RANBP2: variants seen among roughly 807,000 people sequenced by gnomAD.
The protein encoded by RANBP2 is RAN binding protein 2.
RANBP2 carries 57 observed loss-of-function variants against 303.6 expected under a neutral mutation model. The observed-to-expected ratio is 0.19, with a 90% CI of 0.15 to 0.23. RANBP2 has a LOEUF of 0.23. Ranked by LOEUF, RANBP2 falls within the 10% of genes least tolerant of loss-of-function variation. The pLI is 1.00. For synonymous variants in RANBP2, 1,167 were observed against 1,301.5 expected (o/e 0.90, Z 2.23); for missense variants, 3,138 against 3,780.8 (o/e 0.83, Z 4.46).
At chr2:109,495,824 A>G in the RANBP2 span, among the ~76,000 whole-genome samples, 1 of 152,172 alleles carries the variant, frequency 6.6e-6, no homozygotes, top group African/African-American at 2.4e-5. Context: ...TAGTTTCCAC[A>G]TACATAAAAT....
the RANBP2 span, chr2:109,614,394 G>T: frequency 1.0e-6 from 1 of 981,552 alleles, no homozygotes; most frequent in Non-Finnish European, 1.3e-6. Context: ...CGCTGAGCCC[G>T]CCAGACTCCG....
chr2:109,596,176 C>A, the RANBP2 span, among the ~76,000 whole-genome samples: 1 of 152,134 alleles, frequency 6.6e-6, no homozygotes, highest in African/African-American at 2.4e-5. Context: ...GGCCTACAGG[C>A]ATGCACCACC....
chr2:108,760,814 C>A (rs1027205275), intron 18 of RANBP2, among the ~76,000 whole-genome samples: 5 of 151,880 alleles, frequency 3.3e-5, no homozygotes, highest in African/African-American at 4.8e-5. Context: ...TTTTAAAGCC[C>A]GCGAACACAT....
At chr2:108,822,367 C>T in the RANBP2 span, among the ~76,000 whole-genome samples, 1 of 152,026 alleles carries the variant, frequency 6.6e-6, no homozygotes, top group Admixed American at 6.6e-5. Flanking sequence ...AACTTCAATA[C>T]CCCACTTTCA....
chr2:109,296,053 C>G, the RANBP2 span, among the ~76,000 whole-genome samples: 1 of 152,002 alleles, frequency 6.6e-6, no homozygotes, highest in Non-Finnish European at 1.5e-5. Context: ...AAGTTTCCTC[C>G]CCAGGATCCC....
the RANBP2 span, among the ~76,000 whole-genome samples, chr2:109,249,572 CTTCCTTCCTTCCT>C: frequency 1.6e-5 from 2 of 128,512 alleles, no homozygotes; most frequent in Non-Finnish European, 3.2e-5. Flanking sequence ...TCCTTCCTTC[CTTCCTTCCTTCCT>C]TTCCTTTCTT....
the RANBP2 span, among the ~76,000 whole-genome samples, chr2:109,689,557 T>C: frequency 6.6e-6 from 1 of 152,212 alleles, no homozygotes; most frequent in Non-Finnish European, 1.5e-5. Flanking sequence ...CTGGTAAGAT[T>C]TGCAAGGAGC....
At chr2:109,487,212 C>T in the RANBP2 span, among the ~76,000 whole-genome samples, 1 of 152,204 alleles carries the variant, frequency 6.6e-6, no homozygotes, top group African/African-American at 2.4e-5. Flanking sequence ...CAGATCAGCC[C>T]TAAATTGTGT....
the RANBP2 span, among the ~76,000 whole-genome samples, chr2:109,249,647 C>CTCTTTCTTTCTTTCTTTCTT: frequency 4.5e-4 from 59 of 130,856 alleles, no homozygotes; most frequent in African/African-American, 1.7e-3. Context: ...CTCTGTTTCT[C>CTCTTTCTTTCTTTCTTTCTT]TCTTTCTTTC....
At chr2:109,115,458 C>T in the RANBP2 span, among the ~76,000 whole-genome samples, 5 of 152,136 alleles carry the variant, frequency 3.3e-5, no homozygotes, top group Non-Finnish European at 7.3e-5. Flanking sequence ...GCAACCCCTG[C>T]CTTTTTTTGT....
At chr2:109,652,731 C>A in the RANBP2 span, among the ~76,000 whole-genome samples, 1 of 152,140 alleles carries the variant, frequency 6.6e-6, no homozygotes, top group East Asian at 1.9e-4. Flanking sequence ...CTACCAGAGG[C>A]CAGGAGGAAG....
At position 108,749,080 on chromosome 2, in the gene RANBP2, C is replaced by A. The variant is rs753385182; in HGVS notation, c.1224C>A (p.Asn408Lys). 1.2e-6 allele frequency: 2 copies of A among 1,611,906 alleles called. No individual in the cohort carries two copies. The highest frequency in any genetic ancestry group is 2.7e-5 in the African/African-American group (2 of 74,932). ...TSFLGSDDIGNIDVREPELED... is the reference protein window; with the variant it reads ...TSFLGSDDIGKIDVREPELED... ...TTCTTGGTAGCGATGATATTGGAAACATTGATGTACGAGAACCAGAGCTTG... is the reference window on the plus strand; with the variant it reads ...TTCTTGGTAGCGATGATATTGGAAAAATTGATGTACGAGAACCAGAGCTTG... Residue 408 changes from asparagine to lysine, a missense_variant, in exon 9 of 29, where the codon AAC (asparagine) becomes AAA (lysine). Physicochemically the swap from Asn to Lys is moderately conservative, Grantham distance 94 (BLOSUM62 0). Transcript: ENST00000283195.
chr2:109,597,506 T>C, the RANBP2 span, among the ~76,000 whole-genome samples: 41 of 152,292 alleles, frequency 2.7e-4, no homozygotes, highest in African/African-American at 3.4e-4. Context: ...GAATGCACAA[T>C]AGGTGACCAC....
chr2:109,260,071 C>G, the RANBP2 span, among the ~76,000 whole-genome samples: 2 of 152,046 alleles, frequency 1.3e-5, no homozygotes, highest in East Asian at 3.8e-4. Flanking sequence ...TTATCTCAAC[C>G]CTGGGAATAC....
chr2:109,737,511 G>A, the RANBP2 span: 3,738 of 581,608 alleles, frequency 6.4e-3, 93 homozygotes, highest in South Asian at 0.053. Context: ...AAGCTTTCTC[G>A]CGGGCACCAT....
chr2:109,180,676 C>T, the RANBP2 span, among the ~76,000 whole-genome samples: 5 of 152,206 alleles, frequency 3.3e-5, no homozygotes, highest in Non-Finnish European at 5.9e-5. Context: ...CTGATGTCCT[C>T]CATGTAAGAT....
At chr2:109,347,873 C>T in the RANBP2 span, 27 of 1,613,150 alleles carry the variant, frequency 1.7e-5, no homozygotes, top group South Asian at 3.3e-5. Context: ...CCACACGCCC[C>T]GCCCCAGGGA....
chr2:108,735,945 A>T (rs1695546177), intron 5 of RANBP2, among the ~76,000 whole-genome samples, 159 bp from the exon 6 acceptor site: 1 of 152,238 alleles, frequency 6.6e-6, no homozygotes, highest in Admixed American at 6.5e-5. Flanking sequence ...GATAACTATG[A>T]TAAATGTATA....
chr2:109,088,382 G>C, the RANBP2 span, among the ~76,000 whole-genome samples: 1 of 123,204 alleles, frequency 8.1e-6, no homozygotes, highest in Non-Finnish European at 1.6e-5. Flanking sequence ...GGGTGACAGA[G>C]CAAGATTCCA....
Sources: allele counts gnomAD v4.1 joint callset (sites outside exome capture counted in the v4.1 genomes callset), GRCh38; gene constraint gnomAD v4.1.1; transcripts MANE v1.5; gene names NCBI Gene and HGNC (gene_info 2026-07-23, HGNC 2026-07-21).